BRCA2: variants seen among roughly 807,000 people sequenced by gnomAD.
BRCA2 encodes the protein breast cancer type 2 susceptibility protein.
A neutral mutation model predicts 276.7 loss-of-function variants in BRCA2; 203 were observed. The observed-to-expected ratio is 0.73, with a 90% confidence interval of 0.65 to 0.82. BRCA2 has a LOEUF of 0.82. Among genes scored for constraint, BRCA2 ranks in the 40% least tolerant of loss-of-function variants. The pLI, the probability that BRCA2 is intolerant of heterozygous loss-of-function variation, is 0.00. For synonymous variants in BRCA2, 1,289 were observed against 1,338.4 expected (o/e 0.96, Z 0.81); for missense variants, 3,920 against 3,915.0 (o/e 1.00, Z -0.03).
At chr13:32,330,389 C>T (rs1024818784) in intron 8 of BRCA2, among the ~76,000 whole-genome samples, 4 of 152,092 alleles carry the variant, frequency 2.6e-5, no homozygotes, top group East Asian at 1.9e-4. Flanking sequence ...TTCCTTAAGT[C>T]GAGAACTTTC....
At chr13:32,387,809 C>T (rs1472751238) in intron 24 of BRCA2, among the ~76,000 whole-genome samples, 1 of 152,184 alleles carries the variant, frequency 6.6e-6, no homozygotes, top group Non-Finnish European at 1.5e-5. Flanking sequence ...GCTGCCTTCC[C>T]TCTCTGTTTC....
At chr13:32,390,288 C>T (rs1024971390) in intron 24 of BRCA2, among the ~76,000 whole-genome samples, 9 of 152,080 alleles carry the variant, frequency 5.9e-5, no homozygotes, top group African/African-American at 1.9e-4. Flanking sequence ...ACCATACACA[C>T]GTCAGCTAAA....
Position 32,329,374 on chromosome 13 carries a change from T to C in BRCA2, c.632-69T>C, listed in dbSNP as rs61948377. The C allele has an allele frequency of 1.3e-3, 1,408 of 1,093,716 alleles. 5 individuals are homozygous for C. The highest frequency in any genetic ancestry group is 1.5e-3 in the Non-Finnish European group (1,072 of 732,374). 67.8% of individuals were successfully genotyped at this position (1,093,716 alleles called of 1,614,324 possible). A position where few individuals can be genotyped will look rare whatever the true frequency, so the allele number is the denominator to read the frequency against. On this transcript the variant is annotated intron_variant, in intron 7 of 26. Transcript: ENST00000380152. ...ATCAAATAGTAGATGTGCTTTTTGA[T>C]GTCTGACAAAAAATAAGTTTTTGCA...
intron 16 of BRCA2, 124 bp from the exon 17 acceptor site, chr13:32,362,399 A>G (rs2072743056): frequency 5.6e-6 from 5 of 899,042 alleles, no homozygotes; most frequent in Non-Finnish European, 8.7e-6. Flanking sequence ...TGTAGATCAT[A>G]TGAACTCATA....
At chr13:32,342,567 A>G (rs763920677) in intron 11 of BRCA2, among the ~76,000 whole-genome samples, 2 of 152,210 alleles carry the variant, frequency 1.3e-5, no homozygotes, top group African/African-American at 4.8e-5. Context: ...AACATCATAG[A>G]GTATACTTAC....
At chr13:32,325,554 T>G (rs893780091) in intron 4 of BRCA2, among the ~76,000 whole-genome samples, 2 of 151,110 alleles carry the variant, frequency 1.3e-5, no homozygotes, top group Non-Finnish European at 3.0e-5. Flanking sequence ...TTTTGTTTTT[T>G]TTTTTTTTGA....
At chr13:32,341,273 CAATTAA>C (rs1017989853) in intron 11 of BRCA2, 77 bp downstream of exon 11, 2 of 1,595,878 alleles carry the variant, frequency 1.3e-6, no homozygotes, top group African/African-American at 1.3e-5. Flanking sequence ...GGTATGCTAA[CAATTAA>C]GAGTGTTATA....
chr13:32,367,425 A>T (rs2137590259), intron 18 of BRCA2, among the ~76,000 whole-genome samples: 1 of 152,048 alleles, frequency 6.6e-6, no homozygotes, highest in Middle Eastern at 3.4e-3. Context: ...TGACAGAGCG[A>T]GACTCCATCT....
chr13:32,331,135 C>A, intron 9 of BRCA2, 105 bp downstream of exon 9: 1 of 783,552 alleles, frequency 1.3e-6, no homozygotes, highest in Non-Finnish European at 2.1e-6. Flanking sequence ...CTCGGTTTAC[C>A]GCAACCTCTG....
intron 24 of BRCA2, among the ~76,000 whole-genome samples, chr13:32,384,066 G>A (rs2072942808): frequency 6.6e-6 from 1 of 152,202 alleles, no homozygotes; most frequent in African/African-American, 2.4e-5. Flanking sequence ...AGGAATGAAA[G>A]GCAATGAGTG....
At chr13:32,317,352 T>G (rs2072270806) in intron 2 of BRCA2, among the ~76,000 whole-genome samples, 1 of 152,254 alleles carries the variant, frequency 6.6e-6, no homozygotes, top group Non-Finnish European at 1.5e-5. Flanking sequence ...TGCAGTTCTC[T>G]TTAATGTCTG....
At position 32,331,861 on chromosome 13, in the gene BRCA2, A is replaced by G. The variant is rs11147486; in HGVS notation, c.794-411A>G. Among the ~76,000 whole-genome samples the G allele has an allele frequency of 0.041, 6,230 of 152,230 alleles. 217 individuals are homozygous for G. The highest frequency in any genetic ancestry group is 0.11 in the South Asian group (551 of 4,820). Reference sequence around the variant, plus strand: ...TATCTGTTTTTGTCTGTGTGGTATCATGTACGTATGTATATGCATATGTAA... The same window carrying G: ...TATCTGTTTTTGTCTGTGTGGTATCGTGTACGTATGTATATGCATATGTAA... On this transcript the variant is annotated intron_variant, in intron 9 of 26. Coordinates refer to ENST00000380152, the MANE Select transcript of BRCA2 (RefSeq NM_000059.4).
At chr13:32,368,615 G>C (rs2072804028) in intron 18 of BRCA2, among the ~76,000 whole-genome samples, 1 of 151,516 alleles carries the variant, frequency 6.6e-6, no homozygotes, top group South Asian at 2.1e-4. Context: ...GAAGTTGTAT[G>C]TGAGGTGAGG....
intron 7 of BRCA2, 71 bp from the exon 8 acceptor site, chr13:32,329,372 G>A (rs761237583): frequency 9.4e-7 from 1 of 1,069,032 alleles, no homozygotes; most frequent in Non-Finnish European, 1.4e-6. Context: ...TGTGCTTTTT[G>A]ATGTCTGACA....
Position 32,327,467 on chromosome 13 carries a change from C to T in BRCA2, c.631+854C>T, listed in dbSNP as rs184574539. Among the ~76,000 whole-genome samples the T allele has an allele frequency of 2.6e-3, 400 of 151,220 alleles. 3 individuals are homozygous for T. The highest frequency in any genetic ancestry group is 9.4e-3 in the African/African-American group (386 of 41,224). ...TGGGAGGATCACGAGGTCAGGAGAT[C>T]GAGACCATCCTGGCTAACGTGGTGA... On this transcript the variant is annotated intron_variant, in intron 7 of 26. Coordinates refer to ENST00000380152, the MANE Select transcript of BRCA2 (RefSeq NM_000059.4).
chr13:32,339,175 TTG>T lies in BRCA2; in HGVS notation c.4821_4822del (p.Glu1608AspfsTer6), dbSNP rs769017108. 2 of 1,613,972 alleles carry T rather than the reference TTG, an allele frequency of 1.2e-6. No homozygotes were observed. The highest frequency in any genetic ancestry group is 1.7e-6 in the Non-Finnish European group (2 of 1,179,890). On this transcript the variant is annotated frameshift_variant, in exon 11 of 27. Transcript: ENST00000380152. LOFTEE classifies it high-confidence loss of function. Reference sequence around the variant, plus strand: ...AATAATGATAAAAACCTTGTTTCTATTGAGACTGTGGTGCCACCTAAGCTCTT... The same window carrying T: ...AATAATGATAAAAACCTTGTTTCTATAGACTGTGGTGCCACCTAAGCTCTT...
chr13:32,327,629 C>T (rs1015147509), intron 7 of BRCA2, among the ~76,000 whole-genome samples: 3 of 149,176 alleles, frequency 2.0e-5, no homozygotes, highest in Non-Finnish European at 4.5e-5. Flanking sequence ...GAGATCATCA[C>T]GCCACTGCAC....
chr13:32,346,966 T>G, intron 13 of BRCA2, 70 bp downstream of exon 13: 1 of 1,219,880 alleles, frequency 8.2e-7, no homozygotes, highest in Non-Finnish European at 1.2e-6. Flanking sequence ...TAAATGAACA[T>G]TTCTAAAAAT....
intron 3 of BRCA2, among the ~76,000 whole-genome samples, chr13:32,323,319 A>G (rs77118555): frequency 6.6e-6 from 1 of 151,754 alleles, no homozygotes; most frequent in Admixed American, 6.6e-5. Flanking sequence ...CACCTGGCTG[A>G]TTTTTTTGTA....
Sources: gnomAD v4.1 joint callset for allele counts (sites outside exome capture counted in the v4.1 genomes callset) on GRCh38, gnomAD v4.1.1 for gene constraint, MANE v1.5 for transcripts, NCBI Gene and HGNC (gene_info 2026-07-23, HGNC 2026-07-21) for gene names.